Variants in PLPPR1 observed in about 807,000 individuals in gnomAD.
PLPPR1 encodes the protein phospholipid phosphatase-related protein type 1.
In PLPPR1, 10 loss-of-function variants were observed where a neutral mutation model predicts 33.1. The observed-to-expected ratio is 0.30, with a 90% confidence interval of 0.19 to 0.51. The LOEUF (loss-of-function observed/expected upper bound fraction) is 0.51. PLPPR1 is among the 20% of genes least tolerant of loss of function. The pLI is 0.97. For missense variants in PLPPR1, 304 were observed against 408.1 expected (o/e 0.74, Z 2.20); for synonymous variants, 151 against 151.0 (o/e 1.00, Z 0.00).
intron 2 of PLPPR1, among the ~76,000 whole-genome samples, chr9:101,194,431 A>G (rs573884611): frequency 1.3e-5 from 2 of 152,238 alleles, no homozygotes; most frequent in East Asian, 3.9e-4. Flanking sequence ...ATTTTCTAAA[A>G]TGTGTTTACT....
intron 2 of PLPPR1, among the ~76,000 whole-genome samples, chr9:101,262,270 G>A (rs770853923): frequency 6.6e-6 from 1 of 152,158 alleles, no homozygotes; most frequent in Non-Finnish European, 1.5e-5. Flanking sequence ...ATGAAGGCAC[G>A]AAAATTTAGA....
intron 2 of PLPPR1, among the ~76,000 whole-genome samples, chr9:101,257,542 C>T (rs1827824058): frequency 6.6e-6 from 1 of 152,140 alleles, no homozygotes; most frequent in Non-Finnish European, 1.5e-5. Flanking sequence ...GGCAGGTGAG[C>T]ACAGGAGGGA....
At chr9:101,100,733 T>TGTGTGTGTGTG (rs1830887973) in intron 1 of PLPPR1, among the ~76,000 whole-genome samples, 2 of 145,314 alleles carry the variant, frequency 1.4e-5, no homozygotes, top group South Asian at 2.2e-4. Flanking sequence ...TGTGTGTGTG[T>TGTGTGTGTGTG]TGTGTTCCTA....
chr9:101,295,665 G>A (rs1198865937), intron 4 of PLPPR1, among the ~76,000 whole-genome samples: 2 of 151,208 alleles, frequency 1.3e-5, no homozygotes, highest in Admixed American at 1.3e-4. Flanking sequence ...ACAACTATCT[G>A]ATCTTTGACA....
chr9:101,292,872 G>A lies in PLPPR1; in HGVS notation c.385+6636G>A, dbSNP rs914432728. ...ATCATGCCAAATTGTAAAGACCATC[G>A]AGGCTAGGAAGAAACTGCATCAACT... On this transcript the variant is annotated intron_variant, in intron 4 of 7. Coordinates refer to ENST00000374874, the MANE Select transcript of PLPPR1 (RefSeq NM_207299.2). 1.2e-4 allele frequency among the ~76,000 whole-genome samples: 18 copies of A among 149,808 alleles called. No homozygotes were observed. In the East Asian group the frequency reaches 2.0e-3, roughly 16 times the overall value.
intron 2 of PLPPR1, among the ~76,000 whole-genome samples, chr9:101,218,233 C>T (rs1467996709): frequency 6.6e-6 from 1 of 152,058 alleles, no homozygotes; most frequent in African/African-American, 2.4e-5. Context: ...GAGATAGCAT[C>T]TTGGAAAGTG....
chr9:101,051,671 G>A (rs1830224256), intron 1 of PLPPR1, among the ~76,000 whole-genome samples: 1 of 152,132 alleles, frequency 6.6e-6, no homozygotes, highest in Non-Finnish European at 1.5e-5. Flanking sequence ...TTCTGCTAGT[G>A]CTTACTTCAT....
intron 1 of PLPPR1, among the ~76,000 whole-genome samples, chr9:101,133,116 T>G (rs927876496): frequency 2.0e-5 from 3 of 152,180 alleles, no homozygotes; most frequent in Admixed American, 2.0e-4. Context: ...AATGATTTTT[T>G]TCTTTCTTTT....
At chr9:101,085,006 A>T (rs1294392901) in intron 1 of PLPPR1, among the ~76,000 whole-genome samples, 2 of 152,164 alleles carry the variant, frequency 1.3e-5, no homozygotes, top group Non-Finnish European at 2.9e-5. Flanking sequence ...TGGGCTAGTT[A>T]TTTCTTTATT....
chr9:101,205,793 C>T (rs1347200939), intron 2 of PLPPR1, among the ~76,000 whole-genome samples: 2 of 152,210 alleles, frequency 1.3e-5, no homozygotes, highest in Admixed American at 1.3e-4. Flanking sequence ...TATTTGAACT[C>T]TCCTGTAAAT....
intron 1 of PLPPR1, among the ~76,000 whole-genome samples, chr9:101,071,608 G>GAGAA (rs2118489814): frequency 6.6e-6 from 1 of 151,194 alleles, no homozygotes; most frequent in Admixed American, 6.6e-5. Flanking sequence ...GTGAGAAGGA[G>GAGAA]AGAGAGAGAG....
rs1564040149 is a variant in PLPPR1 at position 101,324,089 on chromosome 9, AATC to A, written c.*36_*38del. On this transcript the variant is annotated 3_prime_UTR_variant, in exon 8 of 8. Transcript: ENST00000374874. Reference sequence around the variant, plus strand: ...TGATGTGTCACAAGCTGTTTTTTAAAATCATCTTCCAATTCTATACTTCAAAAC... The same window carrying A: ...TGATGTGTCACAAGCTGTTTTTTAAAATCTTCCAATTCTATACTTCAAAAC... 5.0e-6 allele frequency: 8 copies of A among 1,591,714 alleles called. No homozygotes were observed. The highest frequency in any genetic ancestry group is 6.9e-6 in the Non-Finnish European group (8 of 1,160,712).
chr9:101,257,383 C>T (rs1827821276), intron 2 of PLPPR1, among the ~76,000 whole-genome samples: 1 of 152,252 alleles, frequency 6.6e-6, no homozygotes, highest in African/African-American at 2.4e-5. Flanking sequence ...ACTATAGACT[C>T]TCACCCACTT....
chr9:101,170,691 T>C (rs1016568033), intron 1 of PLPPR1, among the ~76,000 whole-genome samples: 1 of 152,172 alleles, frequency 6.6e-6, no homozygotes, highest in African/African-American at 2.4e-5. Flanking sequence ...ATCTCAGCAC[T>C]TTGGGAGGCC....
intron 1 of PLPPR1, among the ~76,000 whole-genome samples, chr9:101,102,165 T>C (rs1262167456): frequency 7.5e-6 from 1 of 132,492 alleles, no homozygotes; most frequent in Non-Finnish European, 1.6e-5. Flanking sequence ...ATTATTATAC[T>C]TTAAGTTTTA....
intron 1 of PLPPR1, among the ~76,000 whole-genome samples, chr9:101,082,415 A>AG (rs1187014793): frequency 2.0e-5 from 3 of 151,996 alleles, no homozygotes; most frequent in African/African-American, 7.3e-5. Flanking sequence ...TCCCCCACCA[A>AG]GGAGGGGATT....
At chr9:101,220,275 T>A (rs1279463682) in intron 2 of PLPPR1, among the ~76,000 whole-genome samples, 1 of 152,228 alleles carries the variant, frequency 6.6e-6, no homozygotes, top group Non-Finnish European at 1.5e-5. Context: ...TAACCACTTT[T>A]ATGTTAAAAA....
chr9:101,054,637 A>C (rs527408142), intron 1 of PLPPR1, among the ~76,000 whole-genome samples: 24 of 152,336 alleles, frequency 1.6e-4, no homozygotes, highest in Admixed American at 4.6e-4. Flanking sequence ...GTGATCCCTG[A>C]GGTTATTGAA....
rs200590867 is a variant in PLPPR1 at position 101,256,457 on chromosome 9, C to T, written c.64-13423C>T. ...TATCTTGTGAGGAGTTGAGGAGCTC[C>T]AAGCCATATTTTTCGAGGGTTCAGG... On this transcript the variant is annotated intron_variant, in intron 2 of 7. Transcript: ENST00000374874. Among the ~76,000 whole-genome samples, 37 of 152,052 alleles carry T rather than the reference C, an allele frequency of 2.4e-4. No individual in the cohort carries two copies. The East Asian group carries it at 3.5e-3, about 14-fold the overall frequency.
Sources: gnomAD v4.1 joint callset for allele counts (sites outside exome capture counted in the v4.1 genomes callset) on GRCh38, gnomAD v4.1.1 for gene constraint, MANE v1.5 for transcripts, NCBI Gene and HGNC (gene_info 2026-07-23, HGNC 2026-07-21) for gene names.